Variants in MYLK4 observed in about 807,000 individuals in gnomAD.
The protein encoded by MYLK4 is caMLCK like.
MYLK4 carries 46 observed loss-of-function variants against 48.1 expected under a neutral mutation model. The observed-to-expected ratio is 0.96, with a 90% confidence interval of 0.75 to 1.22. MYLK4 has a LOEUF of 1.22. Ranked by LOEUF, MYLK4 falls within the 50% of genes most tolerant of loss-of-function variation. The pLI is 0.00. For synonymous variants in MYLK4, 170 were observed against 180.8 expected (o/e 0.94, Z 0.48); for missense variants, 451 against 486.1 (o/e 0.93, Z 0.68).
the MYLK4 span, among the ~76,000 whole-genome samples, chr6:2,769,447 T>G: frequency 6.6e-6 from 1 of 152,036 alleles, no homozygotes; most frequent in South Asian, 2.1e-4. Flanking sequence ...TGGGCTGAGA[T>G]CTGAGAGCTA....
chr6:2,692,190 A>C (rs918853360), intron 3 of MYLK4, among the ~76,000 whole-genome samples: 3 of 152,160 alleles, frequency 2.0e-5, no homozygotes, highest in Non-Finnish European at 4.4e-5. Flanking sequence ...CATTCCCAGC[A>C]CTATCACTTT....
chr6:2,726,446 C>T (rs1463389696), intron 2 of MYLK4, among the ~76,000 whole-genome samples: 2 of 152,024 alleles, frequency 1.3e-5, no homozygotes, highest in Admixed American at 6.6e-5. Context: ...AAATTGCATC[C>T]TTTCAGTCAC....
intron 2 of MYLK4, among the ~76,000 whole-genome samples, chr6:2,737,993 G>GGGGGGGGGGA (rs1763757659): frequency 1.8e-5 from 1 of 56,676 alleles, no homozygotes; most frequent in African/African-American, 8.6e-5. Flanking sequence ...GGGGGGGGGT[G>GGGGGGGGGGA]GTCAATGTTA....
intron 2 of MYLK4, among the ~76,000 whole-genome samples, chr6:2,715,428 T>A (rs1201774282): frequency 1.3e-5 from 2 of 152,214 alleles, no homozygotes; most frequent in Non-Finnish European, 2.9e-5. Context: ...TACTACAATT[T>A]TTTTAAGTCA....
At chr6:2,704,146 TTGAC>T (rs1219551725) in intron 2 of MYLK4, among the ~76,000 whole-genome samples, 1 of 152,228 alleles carries the variant, frequency 6.6e-6, no homozygotes, top group Non-Finnish European at 1.5e-5. Context: ...CACTGATTGA[TTGAC>T]TGATTTGTTG....
At chr6:2,727,048 A>T (rs1763304355) in intron 2 of MYLK4, among the ~76,000 whole-genome samples, 1 of 152,248 alleles carries the variant, frequency 6.6e-6, no homozygotes, top group African/African-American at 2.4e-5. Flanking sequence ...TGAACGTGTC[A>T]GATTCTGCCA....
chr6:2,757,565 A>C, the MYLK4 span, among the ~76,000 whole-genome samples: 1 of 152,092 alleles, frequency 6.6e-6, no homozygotes, highest in Non-Finnish European at 1.5e-5. Flanking sequence ...AAACACTGAA[A>C]TAGAACCTAT....
At chr6:2,734,918 C>A (rs1763617378) in intron 2 of MYLK4, among the ~76,000 whole-genome samples, 1 of 152,140 alleles carries the variant, frequency 6.6e-6, no homozygotes, top group Non-Finnish European at 1.5e-5. Flanking sequence ...CGAGAGCCTG[C>A]ATTTGTAGCC....
At chr6:2,733,628 G>GT (rs891329153) in intron 2 of MYLK4, among the ~76,000 whole-genome samples, 25 of 152,186 alleles carry the variant, frequency 1.6e-4, no homozygotes, top group African/African-American at 5.3e-4. Flanking sequence ...AATTTAATAC[G>GT]TTTTTTATTA....
the MYLK4 span, among the ~76,000 whole-genome samples, chr6:2,757,384 C>G: frequency 3.9e-5 from 6 of 152,008 alleles, no homozygotes; most frequent in Non-Finnish European, 7.4e-5. Flanking sequence ...AGATAGGCAG[C>G]CTTGTATACT....
At chr6:2,734,066 G>A (rs1169837535) in intron 2 of MYLK4, among the ~76,000 whole-genome samples, 1 of 152,034 alleles carries the variant, frequency 6.6e-6, no homozygotes, top group Non-Finnish European at 1.5e-5. Flanking sequence ...TCAACCCTGG[G>A]AACGTATGAG....
chr6:2,669,369 C>T (rs547259737), intron 12 of MYLK4, among the ~76,000 whole-genome samples: 38 of 152,294 alleles, frequency 2.5e-4, no homozygotes, highest in East Asian at 1.2e-3. Flanking sequence ...ACATTGGGTT[C>T]GAGGCACCCA....
Position 2,673,647 on chromosome 6 carries a change from A to G in MYLK4, c.1119+1400T>C, listed in dbSNP as rs188302113. On this transcript the variant is annotated intron_variant, in intron 11 of 12. Transcript: ENST00000274643. The surrounding 1 kb of genome is among the most constrained non-coding windows in gnomAD (Gnocchi z 4.2). ...AAGGTTGGCATGGCGTCTTGCCTGT[A>G]TATGCATCTTGCCAGTTGAACATCC... Among the ~76,000 whole-genome samples the G allele has an allele frequency of 9.3e-4, 142 of 152,350 alleles. 1 individual carries two copies. The highest frequency in any genetic ancestry group is 3.3e-3 in the African/African-American group (136 of 41,580).
intron 10 of MYLK4, among the ~76,000 whole-genome samples, chr6:2,677,727 T>C (rs1761131423): frequency 6.6e-6 from 1 of 152,198 alleles, no homozygotes; most frequent in African/African-American, 2.4e-5. Flanking sequence ...GGCGGTATGA[T>C]GATGGGCAAA....
the MYLK4 span, among the ~76,000 whole-genome samples, chr6:2,768,178 ATC>A: frequency 1.3e-5 from 2 of 152,194 alleles, no homozygotes; most frequent in Admixed American, 1.3e-4. Flanking sequence ...GCCTACAGTC[ATC>A]TCAAATGCTA....
intron 2 of MYLK4, among the ~76,000 whole-genome samples, chr6:2,706,241 C>T (rs955764769): frequency 6.6e-6 from 1 of 152,002 alleles, no homozygotes; most frequent in Non-Finnish European, 1.5e-5. Flanking sequence ...GAAGAGTAGG[C>T]AACTATAGAT....
the MYLK4 span, among the ~76,000 whole-genome samples, chr6:2,767,506 C>T: frequency 6.6e-6 from 1 of 152,302 alleles, no homozygotes; most frequent in South Asian, 2.1e-4. Flanking sequence ...CTTTTTGTGC[C>T]TTCTTGTTTG....
At chr6:2,765,897 G>T in the MYLK4 span, 1 of 1,455,556 alleles carries the variant, frequency 6.9e-7, no homozygotes, top group Non-Finnish European at 9.0e-7. Flanking sequence ...GCCGAGAGCA[G>T]CGAGGGCGAG....
At chr6:2,724,240 C>T (rs558840518) in intron 2 of MYLK4, among the ~76,000 whole-genome samples, 4 of 152,212 alleles carry the variant, frequency 2.6e-5, no homozygotes, top group African/African-American at 9.6e-5. Flanking sequence ...TACAGATGGG[C>T]GATACACATA....
Sources: gnomAD v4.1 joint callset for allele counts (sites outside exome capture counted in the v4.1 genomes callset) on GRCh38, gnomAD v4.1.1 for gene constraint, Gnocchi (gnomAD v3.1) non-coding constraint, MANE v1.5 for transcripts, NCBI Gene and HGNC (gene_info 2026-07-23, HGNC 2026-07-21) for gene names.